The following GHR variants were observed in gnomAD, a reference collection of about 807,000 sequenced individuals.
GHR encodes GH receptor.
GHR carries 35 observed loss-of-function variants against 67.1 expected under a neutral mutation model. The observed-to-expected ratio is 0.52, with a 90% CI of 0.40 to 0.69. GHR has a LOEUF of 0.69. GHR is among the 30% of genes least tolerant of loss of function. The pLI is 0.00. For missense variants in GHR, 792 were observed against 764.6 expected, an observed-to-expected ratio of 1.04 and a Z score of -0.42; for synonymous variants, 272 against 269.1, an observed-to-expected ratio of 1.01 and a Z score of -0.10.
intron 4 of GHR, among the ~76,000 whole-genome samples, chr5:42,692,753 A>T (rs1757477342): frequency 6.6e-6 from 1 of 152,208 alleles, no homozygotes; most frequent in Non-Finnish European, 1.5e-5. Context: ...ATCATGAAAG[A>T]GCTAATCTTT....
chr5:42,479,297 T>C (rs1418787401), intron 1 of GHR, among the ~76,000 whole-genome samples: 3 of 152,206 alleles, frequency 2.0e-5, no homozygotes, highest in African/African-American at 7.2e-5. Context: ...CAGTATTTTA[T>C]TGAGAATTTT....
At chr5:42,694,791 TA>T in intron 4 of GHR, 125 bp from the exon 5 acceptor site, 1 of 777,140 alleles carries the variant, frequency 1.3e-6, no homozygotes, top group Non-Finnish European at 2.3e-6. Flanking sequence ...ATGATGTTAC[TA>T]AAATACCTCT....
chr5:42,655,344 G>GCTCTAAA (rs1301638074), intron 3 of GHR, among the ~76,000 whole-genome samples: 1 of 152,118 alleles, frequency 6.6e-6, no homozygotes, highest in East Asian at 1.9e-4. Context: ...GGAGCCCAGG[G>GCTCTAAA]CTCTGCCTTG....
intron 3 of GHR, among the ~76,000 whole-genome samples, chr5:42,681,670 C>T (rs541229564): frequency 3.9e-5 from 6 of 152,254 alleles, no homozygotes; most frequent in African/African-American, 1.4e-4. Context: ...GGCGTGGTGG[C>T]TCATGCCTGT....
intron 1 of GHR, among the ~76,000 whole-genome samples, chr5:42,487,009 GT>G (rs1340815794): frequency 6.6e-6 from 1 of 152,174 alleles, no homozygotes; most frequent in African/African-American, 2.4e-5. Flanking sequence ...ACTGACCTGA[GT>G]TTGTTTCCTG....
chr5:42,670,880 A>ATATATAT (rs58161451), intron 3 of GHR, among the ~76,000 whole-genome samples: 21 of 118,194 alleles, frequency 1.8e-4, no homozygotes, highest in African/African-American at 6.6e-4. Flanking sequence ...AAAAAAAAAA[A>ATATATAT]ATATATATAT....
intron 1 of GHR, among the ~76,000 whole-genome samples, chr5:42,447,171 T>C (rs900813688): frequency 1.3e-5 from 2 of 152,206 alleles, no homozygotes; most frequent in African/African-American, 4.8e-5. Flanking sequence ...TAATAGTTTT[T>C]GGGGAAGAGG....
intron 1 of GHR, among the ~76,000 whole-genome samples, chr5:42,558,433 C>A (rs1464436426): frequency 6.6e-6 from 1 of 152,080 alleles, no homozygotes; most frequent in African/African-American, 2.4e-5. Flanking sequence ...AATGTATATA[C>A]GAATGCTACC....
At chr5:42,568,701 C>T (rs952530602) in intron 2 of GHR, among the ~76,000 whole-genome samples, 3 of 152,126 alleles carry the variant, frequency 2.0e-5, no homozygotes, top group African/African-American at 7.2e-5. Flanking sequence ...TTCAGTCTAG[C>T]TGGGACATGA....
At chr5:42,515,460 T>C (rs751101257) in intron 1 of GHR, among the ~76,000 whole-genome samples, 4 of 152,240 alleles carry the variant, frequency 2.6e-5, no homozygotes, top group Non-Finnish European at 5.9e-5. Context: ...TTATGTTCTA[T>C]GTCATCCACA....
intron 1 of GHR, among the ~76,000 whole-genome samples, chr5:42,502,198 T>C (rs1746568035): frequency 6.6e-6 from 1 of 152,210 alleles, no homozygotes; most frequent in African/African-American, 2.4e-5. Context: ...CAAATTGCTA[T>C]GATAAACCTC....
intron 1 of GHR, among the ~76,000 whole-genome samples, chr5:42,440,933 G>A (rs191532294): frequency 2.2e-4 from 33 of 152,280 alleles, no homozygotes; most frequent in Admixed American, 7.2e-4. Context: ...GAAGGAAAGT[G>A]AGGAACAGTA....
chr5:42,451,843 C>T (rs762349645), intron 1 of GHR, among the ~76,000 whole-genome samples: 11 of 152,204 alleles, frequency 7.2e-5, no homozygotes, highest in South Asian at 2.1e-4. Flanking sequence ...ACTTGGTTGT[C>T]GGATTTCTCT....
At chr5:42,506,088 T>C (rs1300871231) in intron 1 of GHR, among the ~76,000 whole-genome samples, 3 of 152,140 alleles carry the variant, frequency 2.0e-5, no homozygotes, top group African/African-American at 7.2e-5. Flanking sequence ...CCACGAGCCG[T>C]GGTGTGTTCT....
chr5:42,679,891 G>A (rs559575745), intron 3 of GHR, among the ~76,000 whole-genome samples: 15 of 152,280 alleles, frequency 9.9e-5, no homozygotes, highest in African/African-American at 3.4e-4. Context: ...TTAAGAAGGG[G>A]ACTTGGAAAA....
intron 1 of GHR, among the ~76,000 whole-genome samples, chr5:42,510,664 C>T (rs1264915357): frequency 1.3e-5 from 2 of 152,116 alleles, no homozygotes; most frequent in African/African-American, 4.8e-5. Context: ...TGACTGAAGG[C>T]GACTCAAGGA....
intron 2 of GHR, among the ~76,000 whole-genome samples, chr5:42,588,873 T>C (rs1751632321): frequency 6.6e-6 from 1 of 152,234 alleles, no homozygotes; most frequent in African/African-American, 2.4e-5. Context: ...GAGTCATTTG[T>C]TTAACCATTG....
At chr5:42,471,634 T>C (rs1357682460) in intron 1 of GHR, among the ~76,000 whole-genome samples, 1 of 152,224 alleles carries the variant, frequency 6.6e-6, no homozygotes, top group Non-Finnish European at 1.5e-5. Context: ...TTCCTGTGCC[T>C]CAGTCTGGTT....
intron 1 of GHR, among the ~76,000 whole-genome samples, chr5:42,476,158 C>T (rs1353158536): frequency 6.6e-6 from 1 of 152,120 alleles, no homozygotes; most frequent in African/African-American, 2.4e-5. Flanking sequence ...CCGCCTCAGC[C>T]TCCCAAAGTG....
Sources: allele counts gnomAD v4.1 joint callset (sites outside exome capture counted in the v4.1 genomes callset), GRCh38; gene constraint gnomAD v4.1.1; transcripts MANE v1.5; gene names NCBI Gene and HGNC (gene_info 2026-07-23, HGNC 2026-07-21).